Variants in MIAT observed in about 807,000 individuals in gnomAD.
MIAT encodes the protein myocardial infarction associated transcript, also known as MI related novel mRNA.
At chr22:26,675,781 G>A (rs1257429815) in exon 5 of MIAT, 2 of 398,550 alleles carry the variant, frequency 5.0e-6, no homozygotes, top group Non-Finnish European at 8.8e-6. Flanking sequence ...TGTCATGCAT[G>A]GCTGCAAGGG....
At chr22:26,671,497 C>G (rs897731483), downstream of MIAT, 4 of 398,682 alleles carry the variant, frequency 1.0e-5, no homozygotes, top group African/African-American at 8.2e-5. Context: ...AACCCACTAA[C>G]CAGGCCCGAG....
At chr22:26,663,162 C>A (rs1038481364) in intron 2 of MIAT, among the ~76,000 whole-genome samples, 1 of 152,176 alleles carries the variant, frequency 6.6e-6, no homozygotes, top group Non-Finnish European at 1.5e-5. Context: ...ATCAAAATAC[C>A]TCCTTGTTTC....
intron 2 of MIAT, chr22:26,657,766 G>A (rs1930515538): frequency 2.5e-6 from 1 of 398,128 alleles, no homozygotes. Context: ...AGAGTCCCAG[G>A]GCTGGGTTCA....
chr22:26,657,570 G>A, intron 2 of MIAT: 1 of 398,780 alleles, frequency 2.5e-6, no homozygotes, highest in East Asian at 3.6e-5. Flanking sequence ...GATGGGAGGC[G>A]CTTGCAGGGG....
chr22:26,653,566 C>G (rs1233063301), intron 2 of MIAT, among the ~76,000 whole-genome samples: 2 of 152,130 alleles, frequency 1.3e-5, no homozygotes, highest in African/African-American at 4.8e-5. Context: ...CAGAAAAAAG[C>G]AATCACGTAG....
exon 6 of MIAT, chr22:26,669,636 T>C (rs909358766): frequency 5.5e-5 from 22 of 398,582 alleles, no homozygotes; most frequent in African/African-American, 3.7e-4. Flanking sequence ...ACCATTCAGT[T>C]CTTAACAGGG....
chr22:26,657,589 G>T (rs1930509699), intron 2 of MIAT: 1 of 398,752 alleles, frequency 2.5e-6, no homozygotes, highest in Non-Finnish European at 4.4e-6. Flanking sequence ...GGCTCCCCCA[G>T]TTCTGCGCTG....
At chr22:26,675,767 C>T (rs540944568) in exon 5 of MIAT, 8 of 398,600 alleles carry the variant, frequency 2.0e-5, no homozygotes, top group South Asian at 1.3e-4. Context: ...GGAGGGAGCC[C>T]ATTTGTCATG....
chr22:26,665,247 A>AAAAGAAAG (rs10529015), intron 3 of MIAT, among the ~76,000 whole-genome samples: 4,778 of 144,186 alleles, frequency 0.033, 115 homozygotes, highest in African/African-American at 0.057. Flanking sequence ...TCTCCAGAAA[A>AAAAGAAAG]AAAGAAAGAA....
At chr22:26,672,363 TG>T (rs1931081017), downstream of MIAT, 1 of 399,114 alleles carries the variant, frequency 2.5e-6, no homozygotes, top group South Asian at 1.3e-4. Flanking sequence ...CAGAGTCCAC[TG>T]GGCCAGGTCT....
chr22:26,666,888 G>C, exon 4 of MIAT: 1 of 399,924 alleles, frequency 2.5e-6, no homozygotes, highest in East Asian at 3.6e-5. Context: ...GTGTGGGGAA[G>C]GAAGGAGCTG....
chr22:26,661,842 C>A (rs1930672219), intron 2 of MIAT, among the ~76,000 whole-genome samples: 1 of 137,844 alleles, frequency 7.3e-6, no homozygotes, highest in African/African-American at 2.5e-5. Context: ...AGATGGCCAT[C>A]GAGTTTGCAG....
intron 5 of MIAT, chr22:26,667,351 T>C (rs538176510): frequency 4.3e-5 from 17 of 397,416 alleles, no homozygotes; most frequent in African/African-American, 2.7e-4. Context: ...TGTGTGTGTG[T>C]GTGCGTGTGC....
At chr22:26,676,312 C>G in exon 5 of MIAT, 1 of 398,544 alleles carries the variant, frequency 2.5e-6, no homozygotes, top group East Asian at 3.6e-5. Flanking sequence ...GTCATTACCC[C>G]CAGGGGATAC....
exon 4 of MIAT, chr22:26,665,938 CTGA>C (rs1466445618): frequency 7.5e-6 from 3 of 398,510 alleles, no homozygotes; most frequent in African/African-American, 2.1e-5. Flanking sequence ...TGGGGACTCC[CTGA>C]TGATGTGAAC....
intron 2 of MIAT, among the ~76,000 whole-genome samples, chr22:26,652,215 T>C (rs150488962): frequency 0.01 from 1,593 of 152,256 alleles, 16 homozygotes; most frequent in South Asian, 0.032. Flanking sequence ...TCTCATTATG[T>C]TGCCCAGGCT....
At chr22:26,671,090 G>C (rs972621461), downstream of MIAT, 1 of 398,618 alleles carries the variant, frequency 2.5e-6, no homozygotes, top group Non-Finnish European at 4.4e-6. Flanking sequence ...GCGGGTGTGC[G>C]TGTGTCTGTC....
chr22:26,675,280 A>G (rs976732111), exon 5 of MIAT: 1 of 398,798 alleles, frequency 2.5e-6, no homozygotes, highest in Non-Finnish European at 4.4e-6. Context: ...AGAGGATCCA[A>G]AGAGGTTCTG....
downstream of MIAT, chr22:26,670,056 ATTTT>A (rs35523695): frequency 7.8e-6 from 3 of 386,270 alleles, no homozygotes; most frequent in South Asian, 1.4e-4. Context: ...GGGTTTATCT[ATTTT>A]TTTTTTTTTT....
Sources: allele counts gnomAD v4.1 joint callset (sites outside exome capture counted in the v4.1 genomes callset), GRCh38; gene constraint gnomAD v4.1.1; transcripts MANE v1.5; gene names NCBI Gene and HGNC (gene_info 2026-07-23, HGNC 2026-07-21).